Variants in DLEU7 observed in about 807,000 individuals in gnomAD.
The protein encoded by DLEU7 is leukemia-associated protein 7.
In DLEU7, 17 loss-of-function variants were observed where a neutral mutation model predicts 16.0. The observed-to-expected ratio is 1.06, with a 90% CI of 0.73 to 1.59. The LOEUF (loss-of-function observed/expected upper bound fraction) is 1.59, where lower values mean the gene tolerates loss of function less well. Ranked by LOEUF, DLEU7 falls within the 40% of genes most tolerant of loss-of-function variation. The pLI is 0.00. For synonymous variants in DLEU7, 113 were observed against 139.8 expected, an observed-to-expected ratio of 0.81 and a Z score of 1.35; for missense variants, 308 against 314.9, an observed-to-expected ratio of 0.98 and a Z score of 0.17.
At chr13:50,730,041 AAG>A (rs1254658820) in intron 1 of DLEU7, among the ~76,000 whole-genome samples, 3 of 151,166 alleles carry the variant, frequency 2.0e-5, no homozygotes, top group South Asian at 2.1e-4. Flanking sequence ...TAGAAAAAAA[AAG>A]AATGTTATTA....
At chr13:50,833,609 T>C (rs1566268247) in intron 1 of DLEU7, among the ~76,000 whole-genome samples, 1 of 152,198 alleles carries the variant, frequency 6.6e-6, no homozygotes, top group Non-Finnish European at 1.5e-5. Flanking sequence ...AAAATGGTCA[T>C]ACTGCCCAAG....
At chr13:50,739,714 T>C (rs1874196942) in intron 1 of DLEU7, among the ~76,000 whole-genome samples, 1 of 152,172 alleles carries the variant, frequency 6.6e-6, no homozygotes, top group Non-Finnish European at 1.5e-5. Flanking sequence ...TTAAAGTTTC[T>C]AGGGAATGTT....
rs556761618 is a variant in DLEU7, at chr13:50,806,976, C to CAAAAAAAAA, written c.459+36203_459+36211dup. Among the ~76,000 whole-genome samples, 250 of 54,150 alleles carry CAAAAAAAAA rather than the reference C, an allele frequency of 4.6e-3. 9 individuals carry two copies. The highest frequency in any genetic ancestry group is 0.017 in the African/African-American group (238 of 14,340). 35.5% of individuals were successfully genotyped at this position (54,150 alleles called of 152,430 possible). ...TGGGTGACAGAGCTAGACTCCCTCT[C>CAAAAAAAAA]AAAAAAAAAAAAAAAAAAAAAAGTC... On this transcript the variant is annotated intron_variant, in intron 1 of 1. Transcript: ENST00000400393.
intron 1 of DLEU7, among the ~76,000 whole-genome samples, chr13:50,772,256 C>T (rs1007426273): frequency 4.6e-5 from 7 of 152,070 alleles, no homozygotes; most frequent in African/African-American, 1.7e-4. Flanking sequence ...GAGCATTTAG[C>T]CCATTTAAAT....
intron 1 of DLEU7, among the ~76,000 whole-genome samples, chr13:50,827,178 A>C (rs932486894): frequency 1.3e-5 from 2 of 152,228 alleles, no homozygotes; most frequent in Admixed American, 1.3e-4. Context: ...ATGACGGTTC[A>C]TTTTGGAGCA....
chr13:50,843,278 G>T lies in DLEU7; in HGVS notation c.369C>A (p.Arg123=). ...AQMAMRSALA[R]VVDSTSELVS... ...CCAGCTCCGAAGTCGAGTCCACCACGCGGGCCAGCGCGCTGCGCATCGCCA... is the reference window on the plus strand; with the variant it reads ...CCAGCTCCGAAGTCGAGTCCACCACTCGGGCCAGCGCGCTGCGCATCGCCA... Residue 123 remains arginine, a synonymous_variant, in exon 1 of 2, where the codon CGC becomes CGA. Transcript: ENST00000504404. This position sits in a 1 kb window ranked among gnomAD's most constrained non-coding sequence, Gnocchi z 5.7. 6.3e-7 allele frequency: 1 copy of T among 1,576,264 alleles called. No homozygotes were observed. Among genetic ancestry groups the T allele is most frequent in the Non-Finnish European group, 8.6e-7 (1 of 1,161,142 alleles).
At chr13:50,786,132 T>A (rs577462346) in intron 1 of DLEU7, among the ~76,000 whole-genome samples, 1 of 152,150 alleles carries the variant, frequency 6.6e-6, no homozygotes, top group Non-Finnish European at 1.5e-5. Context: ...AAGACTTTGA[T>A]GGGTTCAAGG....
intron 1 of DLEU7, among the ~76,000 whole-genome samples, chr13:50,809,397 A>G (rs980926133): frequency 4.6e-5 from 7 of 152,134 alleles, no homozygotes; most frequent in Non-Finnish European, 1.0e-4. Flanking sequence ...GGTCTAACCT[A>G]TTGCATAATT....
intron 1 of DLEU7, among the ~76,000 whole-genome samples, chr13:50,799,468 C>A (rs745349237): frequency 2.0e-5 from 3 of 152,210 alleles, no homozygotes; most frequent in Non-Finnish European, 4.4e-5. Flanking sequence ...TAACTAACTG[C>A]CTTGTAGCAA....
At chr13:50,749,315 A>C (rs1173540512) in intron 1 of DLEU7, among the ~76,000 whole-genome samples, 1 of 151,770 alleles carries the variant, frequency 6.6e-6, no homozygotes, top group Non-Finnish European at 1.5e-5. Context: ...TATATCTCAC[A>C]GTTTCTTTAT....
At chr13:50,776,568 C>T (rs542622031) in intron 1 of DLEU7, among the ~76,000 whole-genome samples, 1 of 152,192 alleles carries the variant, frequency 6.6e-6, no homozygotes, top group East Asian at 1.9e-4. Context: ...CTTGTGGGTC[C>T]CAGATCTCAA....
downstream of DLEU7, among the ~76,000 whole-genome samples, chr13:50,821,831 G>A (rs1399307240): frequency 6.6e-6 from 1 of 152,018 alleles, no homozygotes; most frequent in African/African-American, 2.4e-5. Flanking sequence ...GAAAAGTACA[G>A]AGCTAATTTC....
chr13:50,811,755 G>T (rs147963041), intron 1 of DLEU7, among the ~76,000 whole-genome samples: 1 of 152,222 alleles, frequency 6.6e-6, no homozygotes, highest in Non-Finnish European at 1.5e-5. Flanking sequence ...AGAAGAACTG[G>T]ACTTGTCTTC....
intron 1 of DLEU7, among the ~76,000 whole-genome samples, chr13:50,746,663 C>T (rs1593538884): frequency 6.6e-6 from 1 of 152,120 alleles, no homozygotes; most frequent in Non-Finnish European, 1.5e-5. Context: ...AGTTCTATTT[C>T]AGCCCCATGA....
chr13:50,715,018 G>T (rs928611176), intron 1 of DLEU7, among the ~76,000 whole-genome samples: 6 of 152,112 alleles, frequency 3.9e-5, no homozygotes, highest in Non-Finnish European at 8.8e-5. Flanking sequence ...AGGCCTCTGC[G>T]CCTTGTTGGC....
chr13:50,762,463 G>A (rs1874967101), intron 1 of DLEU7, among the ~76,000 whole-genome samples: 3 of 152,272 alleles, frequency 2.0e-5, no homozygotes, highest in Non-Finnish European at 4.4e-5. Flanking sequence ...GTAAAGCCCA[G>A]GTCGGAACCT....
intron 1 of DLEU7, among the ~76,000 whole-genome samples, chr13:50,722,609 A>G (rs1164213127): frequency 2.0e-5 from 3 of 152,232 alleles, no homozygotes; most frequent in Admixed American, 6.5e-5. Flanking sequence ...TTTCTAAAAT[A>G]CAATGTTATC....
intron 1 of DLEU7, among the ~76,000 whole-genome samples, chr13:50,839,654 A>G (rs1877584038): frequency 6.6e-6 from 1 of 152,178 alleles, no homozygotes; most frequent in African/African-American, 2.4e-5. Context: ...TCTTTGGGTC[A>G]TCCTAAGTCT....
At chr13:50,824,528 A>T (rs1266106466) in intron 1 of DLEU7, among the ~76,000 whole-genome samples, 1 of 152,188 alleles carries the variant, frequency 6.6e-6, no homozygotes, top group African/African-American at 2.4e-5. Flanking sequence ...AAAATTTTTT[A>T]AAGATTATTT....
Sources: gnomAD v4.1 joint callset for allele counts (sites outside exome capture counted in the v4.1 genomes callset) on GRCh38, gnomAD v4.1.1 for gene constraint, Gnocchi (gnomAD v3.1) non-coding constraint, MANE v1.5 for transcripts, NCBI Gene and HGNC (gene_info 2026-07-23, HGNC 2026-07-21) for gene names.